XKR9: variants seen among roughly 807,000 people sequenced by gnomAD.
XKR9 encodes the protein XK-related protein 9.
A neutral mutation model predicts 32.0 loss-of-function variants in XKR9; 32 were observed. That is an observed-to-expected ratio of 1.00 (90% confidence interval 0.76 to 1.34). The LOEUF (loss-of-function observed/expected upper bound fraction) is 1.34, where lower values mean the gene tolerates loss of function less well. XKR9 is among the 40% of genes most tolerant of loss of function. The pLI is 0.00. For synonymous variants in XKR9, 168 were observed against 143.4 expected, an observed-to-expected ratio of 1.17 and a Z score of -1.22; for missense variants, 546 against 429.7, an observed-to-expected ratio of 1.27 and a Z score of -2.39.
the XKR9 span, among the ~76,000 whole-genome samples, chr8:71,039,916 A>C: frequency 6.6e-6 from 1 of 152,170 alleles, no homozygotes; most frequent in African/African-American, 2.4e-5. Context: ...GACCACCAGG[A>C]GTGCTCTCAG....
the XKR9 span, among the ~76,000 whole-genome samples, chr8:71,034,762 C>G: frequency 1.3e-5 from 2 of 152,042 alleles, no homozygotes; most frequent in Non-Finnish European, 2.9e-5. Flanking sequence ...CGTCATGGAA[C>G]AGAGGTAAAC....
the XKR9 span, among the ~76,000 whole-genome samples, chr8:70,975,359 G>T: frequency 6.6e-6 from 1 of 152,154 alleles, no homozygotes; most frequent in Non-Finnish European, 1.5e-5. Flanking sequence ...TTCTTCTAGG[G>T]TTTTCATGGT....
At chr8:70,814,082 G>A in the XKR9 span, among the ~76,000 whole-genome samples, 10 of 152,250 alleles carry the variant, frequency 6.6e-5, no homozygotes, top group East Asian at 1.7e-3. Flanking sequence ...AGAAAATGTG[G>A]CACATATACA....
chr8:70,699,902 A>C (rs991096183), intron 3 of XKR9, among the ~76,000 whole-genome samples: 7 of 152,020 alleles, frequency 4.6e-5, no homozygotes, highest in Non-Finnish European at 1.0e-4. Context: ...TTTTTTCTCT[A>C]AACTTCCCTT....
At chr8:70,849,937 AT>A in the XKR9 span, among the ~76,000 whole-genome samples, 1 of 152,196 alleles carries the variant, frequency 6.6e-6, no homozygotes, top group East Asian at 1.9e-4. Flanking sequence ...AGAATCTCGA[AT>A]AGACCGATAA....
chr8:71,057,689 T>G, the XKR9 span, among the ~76,000 whole-genome samples: 1 of 152,198 alleles, frequency 6.6e-6, no homozygotes, highest in Non-Finnish European at 1.5e-5. Flanking sequence ...GAATTGTTCC[T>G]GGAAATGGAA....
At chr8:70,916,677 C>T in the XKR9 span, among the ~76,000 whole-genome samples, 4 of 152,082 alleles carry the variant, frequency 2.6e-5, no homozygotes, top group African/African-American at 4.8e-5. Context: ...CAATAATTTT[C>T]ATAAGCTGTC....
the XKR9 span, among the ~76,000 whole-genome samples, chr8:70,836,550 A>G: frequency 6.7e-6 from 1 of 149,830 alleles, no homozygotes; most frequent in Admixed American, 6.7e-5. Context: ...TCATTATATA[A>G]ATACACCACA....
chr8:70,951,986 A>G, the XKR9 span, among the ~76,000 whole-genome samples: 1 of 152,196 alleles, frequency 6.6e-6, no homozygotes, highest in Non-Finnish European at 1.5e-5. Flanking sequence ...ACAATGTCTT[A>G]AAGACTTTCA....
chr8:71,031,311 T>C, the XKR9 span, among the ~76,000 whole-genome samples: 2 of 152,176 alleles, frequency 1.3e-5, no homozygotes, highest in Admixed American at 1.3e-4. Context: ...CTCAAGTAAA[T>C]TTCATGGGTA....
intron 2 of XKR9, among the ~76,000 whole-genome samples, chr8:70,675,436 C>A (rs1003654084): frequency 1.3e-5 from 2 of 152,172 alleles, no homozygotes; most frequent in African/African-American, 4.8e-5. Flanking sequence ...GCTTAAAGTC[C>A]TCTTCTGAAG....
At chr8:70,837,232 A>G in the XKR9 span, among the ~76,000 whole-genome samples, 1 of 152,066 alleles carries the variant, frequency 6.6e-6, no homozygotes. Context: ...TATCTCACCT[A>G]TGTATGTAAT....
chr8:70,733,926 C>T lies in XKR9; in HGVS notation c.624C>T (p.Tyr208=). 2 of 1,612,794 alleles carry T rather than the reference C, an allele frequency of 1.2e-6. No individual in the cohort carries two copies. Among genetic ancestry groups the T allele is most frequent in the African/African-American group, 1.3e-5 (1 of 74,978 alleles). The change falls in exon 5 of 5, where the codon TAC becomes TAT. Residue 208 remains tyrosine (Y), a synonymous_variant. Transcript: ENST00000408926. ...GLCPKITYLF[Y]KLFTLLSWML... ...GTCCCAAAATCACATATCTCTTTTA[C>T]AAGTTGTTTACATTATTATCGTGGA...
chr8:70,718,873 T>C (rs72507505), intron 4 of XKR9, among the ~76,000 whole-genome samples: 16,560 of 152,170 alleles, frequency 0.11, 1,439 homozygotes, highest in Admixed American at 0.28. Flanking sequence ...TTTCTAGTTC[T>C]AGATCCTTGA....
At chr8:70,898,134 A>G in the XKR9 span, among the ~76,000 whole-genome samples, 4 of 152,148 alleles carry the variant, frequency 2.6e-5, no homozygotes, top group Admixed American at 1.3e-4. Flanking sequence ...ACATATGGAT[A>G]TCCAGTTTTC....
intron 3 of XKR9, among the ~76,000 whole-genome samples, chr8:70,683,903 A>G (rs1470879716): frequency 6.6e-6 from 1 of 152,150 alleles, no homozygotes; most frequent in East Asian, 1.9e-4. Flanking sequence ...TCTTTATTTC[A>G]TTATCTTTCT....
the XKR9 span, among the ~76,000 whole-genome samples, chr8:70,877,301 G>T: frequency 2.8e-4 from 43 of 152,274 alleles, no homozygotes; most frequent in Middle Eastern, 3.4e-3. Flanking sequence ...TTAGATTTGG[G>T]TGGGGACACA....
At chr8:70,682,586 G>A (rs1819119316) in intron 3 of XKR9, among the ~76,000 whole-genome samples, 1 of 152,102 alleles carries the variant, frequency 6.6e-6, no homozygotes, top group Admixed American at 6.6e-5. Context: ...GATGATAGAA[G>A]TTTCAAATGC....
the XKR9 span, among the ~76,000 whole-genome samples, chr8:70,847,433 AG>A: frequency 6.6e-6 from 1 of 152,008 alleles, no homozygotes; most frequent in African/African-American, 2.4e-5. Context: ...GAACTAGAAA[AG>A]CAAGAACAAA....
Sources: gnomAD v4.1 joint callset for allele counts (sites outside exome capture counted in the v4.1 genomes callset) on GRCh38, gnomAD v4.1.1 for gene constraint, MANE v1.5 for transcripts, NCBI Gene and HGNC (gene_info 2026-07-23, HGNC 2026-07-21) for gene names.